DUSP7: variants seen among roughly 807,000 people sequenced by gnomAD.
The protein encoded by DUSP7 is dual specificity protein phosphatase 7.
A neutral mutation model predicts 29.8 loss-of-function variants in DUSP7; 7 were observed. That is an observed-to-expected ratio of 0.24 (90% CI 0.13 to 0.44). The LOEUF is 0.44. Ranked by LOEUF, DUSP7 falls within the 20% of genes least tolerant of loss-of-function variation. The pLI, the probability that DUSP7 is intolerant of heterozygous loss-of-function variation, is 1.00. For synonymous variants in DUSP7, 287 were observed against 275.4 expected (o/e 1.04, Z -0.42); for missense variants, 400 against 583.7 (o/e 0.69, Z 3.24).
At position 52,056,545 on chromosome 3, in the gene DUSP7, A is replaced by C. The variant is rs1471159725; in HGVS notation, c.-179T>G. 1 of 172,570 alleles carries C rather than the reference A, an allele frequency of 5.8e-6. No homozygotes were observed. Among genetic ancestry groups the C allele is most frequent in the Non-Finnish European group, 1.1e-5 (1 of 89,890 alleles). 10.7% of individuals were successfully genotyped at this position (172,570 alleles called of 1,614,324 possible). A position where few individuals can be genotyped will look rare whatever the true frequency, so the allele number is the denominator to read the frequency against. On this transcript the variant is annotated 5_prime_UTR_variant, in exon 1 of 3. Coordinates refer to ENST00000495880, the MANE Select transcript of DUSP7 (RefSeq NM_001947.4). The surrounding 1 kb of genome is among the most constrained non-coding windows in gnomAD (Gnocchi z 6.4). The stretch of plus-strand genomic sequence containing the variant: ...CCCGCCCGCCCGGCCCTCCGCGCGC[A>C]CCGCGGCCTGACAGCCCCAATTAAA...
In DUSP7 at chr3:52,053,992, G is replaced by C; in HGVS notation, c.900C>G (p.Asp300Glu). The stretch of plus-strand genomic sequence containing the variant: ...ACTGGGAGAGGTTCTGGCTCCAGTG[G>C]TCAGAGATGGGGATCTGCTTGTAGG... ...EFTYKQIPIS[D>E]HWSQNLSQFF... The change falls in exon 2 of 3, where the codon GAC becomes GAG. Residue 300 changes from aspartate (D) to glutamate (E), a missense_variant. Physicochemically the swap from Asp to Glu is conservative, Grantham distance 45. Coordinates refer to ENST00000495880, the MANE Select transcript of DUSP7 (RefSeq NM_001947.4). The surrounding 1 kb of genome is among the most constrained non-coding windows in gnomAD (Gnocchi z 4.6). The C allele has an allele frequency of 6.2e-7, 1 of 1,614,238 alleles. No individual in the cohort carries two copies. The highest frequency in any genetic ancestry group is 8.5e-7 in the Non-Finnish European group (1 of 1,180,030).
Position 52,050,893 on chromosome 3 carries a change from G to T in DUSP7, c.1182C>A (p.His394Gln). 1 of 1,614,268 alleles carries T rather than the reference G, an allele frequency of 6.2e-7. No homozygotes were observed. Among genetic ancestry groups the T allele is most frequent in the South Asian group, 1.1e-5 (1 of 91,092 alleles). ...AAAAGTAGAGCTGCTCACTCGACGCGTGGTTGTCGCACGGGCTGCTTAGCC... is the reference window on the plus strand; with the variant it reads ...AAAAGTAGAGCTGCTCACTCGACGCTTGGTTGTCGCACGGGCTGCTTAGCC... ...TLGLSSPCDNHASSEQLYFST... is the reference protein window; with the variant it reads ...TLGLSSPCDNQASSEQLYFST... Residue 394 changes from histidine to glutamine, a missense_variant, in exon 3 of 3, where the codon CAC (histidine) becomes CAA (glutamine). His to Gln is a conservative substitution (Grantham distance 24). Around this residue, in one of 4 missense-constraint regions of DUSP7, gnomAD observed 75 missense variants for 95.0 expected, o/e 0.79. Coordinates refer to ENST00000495880, the MANE Select transcript of DUSP7 (RefSeq NM_001947.4). This position sits in a 1 kb window ranked among gnomAD's most constrained non-coding sequence, Gnocchi z 5.0.
intron 1 of DUSP7, 145 bp downstream of exon 1, chr3:52,055,705 C>T (rs368641924): frequency 9.7e-7 from 1 of 1,035,512 alleles, no homozygotes. Flanking sequence ...GGGGACCCGG[C>T]TCCAGGAGGG....
chr3:52,055,416 C>T (rs1009481089), intron 1 of DUSP7, among the ~76,000 whole-genome samples: 3 of 152,162 alleles, frequency 2.0e-5, no homozygotes, highest in Non-Finnish European at 4.4e-5. Flanking sequence ...GGTCTCCATG[C>T]GCTGGAGGTG....
rs1701831519 is a variant in DUSP7 at position 52,050,187 on chromosome 3, A to G, written c.*628T>C. 1 of 152,240 alleles carries G rather than the reference A, an allele frequency of 6.6e-6. No individual in the cohort carries two copies. The allele number at this position is 152,240 out of a possible 1,614,324, so 9.4% of individuals were successfully genotyped here. A position where few individuals can be genotyped will look rare whatever the true frequency, so the allele number is the denominator to read the frequency against. ...GGAAACAGAGGCTTCACACATGTGC[A>G]AAACGCATTTGGTCAAGGTCAACAT... On this transcript the variant is annotated 3_prime_UTR_variant, in exon 3 of 3. Coordinates refer to ENST00000495880, the MANE Select transcript of DUSP7 (RefSeq NM_001947.4). This position sits in a 1 kb window ranked among gnomAD's most constrained non-coding sequence, Gnocchi z 5.0.
chr3:52,055,397 A>C (rs958236192), intron 1 of DUSP7, among the ~76,000 whole-genome samples: 3 of 152,114 alleles, frequency 2.0e-5, no homozygotes, highest in Non-Finnish European at 4.4e-5. Flanking sequence ...AGGAGACCCC[A>C]ACCCAAATGG....
At position 52,049,447 on chromosome 3, in the gene DUSP7, GC is replaced by G. The variant is rs1414583318; in HGVS notation, c.*1367del. 1 of 152,290 alleles carries G rather than the reference GC, an allele frequency of 6.6e-6. No individual in the cohort carries two copies. The highest frequency in any genetic ancestry group is 2.4e-5 in the African/African-American group (1 of 41,450). The allele number at this position is 152,290 out of a possible 1,614,324, so 9.4% of individuals were successfully genotyped here. On this transcript the variant is annotated 3_prime_UTR_variant, in exon 3 of 3. Transcript: ENST00000495880. The stretch of plus-strand genomic sequence containing the variant: ...GTGGAGGCAGGGGGAAGTGAACAGA[GC>G]CTTACCCCCCTTCTGCTGGTCCATC...
At chr3:52,055,591 GA>G (rs1016016233) in intron 1 of DUSP7, among the ~76,000 whole-genome samples, 9 of 151,824 alleles carry the variant, frequency 5.9e-5, no homozygotes, top group Non-Finnish European at 1.3e-4. Flanking sequence ...CCATCAACAG[GA>G]AAAAAAAGGA....
rs538852087 is a variant in DUSP7 at position 52,048,963 on chromosome 3, C to T, written c.*1852G>A. The T allele has an allele frequency of 2.0e-5, 3 of 152,142 alleles. No homozygotes were observed. The highest frequency in any genetic ancestry group is 2.9e-5 in the Non-Finnish European group (2 of 68,004). The allele number at this position is 152,142 out of a possible 1,614,324, so 9.4% of individuals were successfully genotyped here. A position where few individuals can be genotyped will look rare whatever the true frequency, so the allele number is the denominator to read the frequency against. ...TTTATTTGCAATATAAACAAAGTCCCGTTGTTGGTTCGGGATATATATATA... is the reference window on the plus strand; with the variant it reads ...TTTATTTGCAATATAAACAAAGTCCTGTTGTTGGTTCGGGATATATATATA... On this transcript the variant is annotated 3_prime_UTR_variant, in exon 3 of 3. Transcript: ENST00000495880.
chr3:52,053,575 G>A lies in DUSP7; in HGVS notation c.952+365C>T. Reference sequence around the variant, plus strand: ...CCCATCCTGGAGAGACACGTGTGCTGAGGCGTGATGCGGAGCAAGTGAGAC... The same window carrying A: ...CCCATCCTGGAGAGACACGTGTGCTAAGGCGTGATGCGGAGCAAGTGAGAC... On this transcript the variant is annotated intron_variant, in intron 2 of 2. Coordinates refer to ENST00000495880, the MANE Select transcript of DUSP7 (RefSeq NM_001947.4). This position sits in a 1 kb window ranked among gnomAD's most constrained non-coding sequence, Gnocchi z 4.6. 1 of 291,626 alleles carries A rather than the reference G, an allele frequency of 3.4e-6. No individual in the cohort carries two copies. The highest frequency in any genetic ancestry group is 6.6e-6 in the Non-Finnish European group (1 of 151,232). 18.1% of individuals were successfully genotyped at this position (291,626 alleles called of 1,614,324 possible).
In DUSP7 at chr3:52,053,980, C is replaced by T. The variant is rs984631319; in HGVS notation, c.912G>A (p.Gln304=). ...CCTCAGGGAAGAACTGGGAGAGGTT[C>T]TGGCTCCAGTGGTCAGAGATGGGGA... The part of the protein sequence containing the change: ...KQIPISDHWS[Q]NLSQFFPEAI... Residue 304 remains glutamine, a synonymous_variant, in exon 2 of 3, where the codon CAG becomes CAA. Transcript: ENST00000495880. This position sits in a 1 kb window ranked among gnomAD's most constrained non-coding sequence, Gnocchi z 4.6. The T allele has an allele frequency of 4.3e-6, 7 of 1,614,098 alleles. No individual in the cohort carries two copies. The highest frequency in any genetic ancestry group is 5.9e-6 in the Non-Finnish European group (7 of 1,180,038).
chr3:52,056,236 C>G lies in DUSP7; in HGVS notation c.131G>C (p.Gly44Ala), dbSNP rs1221773471. 5.0e-6 allele frequency: 7 copies of G among 1,402,950 alleles called. No individual in the cohort carries two copies. In the South Asian group the frequency reaches 1.1e-4, roughly 21 times the overall value. The allele number at this position is 1,402,950 out of a possible 1,614,324, so 86.9% of individuals were successfully genotyped here. Residue 44 changes from glycine to alanine, a missense_variant, in exon 1 of 3, where the codon GGC (glycine) becomes GCC (alanine). Gly to Ala is a moderately conservative substitution (Grantham distance 60, BLOSUM62 0). Around this residue, in one of 4 missense-constraint regions of DUSP7, gnomAD observed 96 missense variants for 97.1 expected, o/e 0.99. Coordinates refer to ENST00000495880, the MANE Select transcript of DUSP7 (RefSeq NM_001947.4). The surrounding 1 kb of genome is among the most constrained non-coding windows in gnomAD (Gnocchi z 6.4). ...GSGSGAGTGA[G>A]AATGAGAMPC... ...CATGGCCCCTGCCCCCGTCGCCGCGCCCGCCCCGGTGCCTGCGCCGGACCC... is the reference window on the plus strand; with the variant it reads ...CATGGCCCCTGCCCCCGTCGCCGCGGCCGCCCCGGTGCCTGCGCCGGACCC...
Position 52,054,825 on chromosome 3 carries a change from G to T in DUSP7, c.518-451C>A, listed in dbSNP as rs969333013. Among the ~76,000 whole-genome samples the T allele has an allele frequency of 6.6e-6, 1 of 152,264 alleles. No individual in the cohort carries two copies. Among genetic ancestry groups the T allele is most frequent in the African/African-American group, 2.4e-5 (1 of 41,468 alleles). The stretch of plus-strand genomic sequence containing the variant: ...AACTCCTCTTATAGATGAGACCACA[G>T]GTGCCAGAGCCACATCTGGCTCAGT... On this transcript the variant is annotated intron_variant, in intron 1 of 2. Transcript: ENST00000495880. This position sits in a 1 kb window ranked among gnomAD's most constrained non-coding sequence, Gnocchi z 4.1.
rs535620974 is a variant in DUSP7 at position 52,054,027 on chromosome 3, C to T, written c.865G>A (p.Gly289Ser). 2 of 1,614,170 alleles carry T rather than the reference C, an allele frequency of 1.2e-6. No individual in the cohort carries two copies. The highest frequency in any genetic ancestry group is 1.3e-5 in the African/African-American group (1 of 75,038). ...PNLPNAFEHG[G>S]EFTYKQIPIS... The stretch of plus-strand genomic sequence containing the variant: ...GGGATCTGCTTGTAGGTGAACTCGC[C>T]GCCGTGCTCGAAGGCGTTGGGTAGG... The change falls in exon 2 of 3, where the codon GGC (glycine) becomes AGC (serine). Residue 289 changes from glycine (G) to serine (S), a missense_variant. By Grantham distance (56) the Gly-to-Ser change is moderately conservative. Around this residue, in one of 4 missense-constraint regions of DUSP7, gnomAD observed 223 missense variants for 360.9 expected, o/e 0.62. Coordinates refer to ENST00000495880, the MANE Select transcript of DUSP7 (RefSeq NM_001947.4). The surrounding 1 kb of genome is among the most constrained non-coding windows in gnomAD (Gnocchi z 4.1).
rs756816043 is a variant in DUSP7, at chr3:52,056,196, G to A, written c.171C>T (p.Ala57=). 2.6e-5 allele frequency: 41 copies of A among 1,558,236 alleles called. No individual in the cohort carries two copies. The highest frequency in any genetic ancestry group is 3.4e-5 in the Non-Finnish European group (39 of 1,159,250). ...CCTCCAGCTCCTCCTGCAGCCACTC[G>A]GCGCTCTTGCAGGGCATGGCCCCTG... ...TGAGAMPCKS[A]EWLQEELEAR... Residue 57 remains alanine (A), a synonymous_variant, in exon 1 of 3, where the codon GCC becomes GCT. Coordinates refer to ENST00000495880, the MANE Select transcript of DUSP7 (RefSeq NM_001947.4). This position sits in a 1 kb window ranked among gnomAD's most constrained non-coding sequence, Gnocchi z 6.4.
Position 52,050,503 on chromosome 3 carries a change from TAA to T in DUSP7, c.*310_*311del. On this transcript the variant is annotated 3_prime_UTR_variant, in exon 3 of 3. Transcript: ENST00000495880. This position sits in a 1 kb window ranked among gnomAD's most constrained non-coding sequence, Gnocchi z 5.0. ...AAACTCAGGTCCGTGGATGTGTCTT[TAA>T]AAAACAGCCAAACTGGCTGGGCTGT... 1 of 279,476 alleles carries T rather than the reference TAA, an allele frequency of 3.6e-6. No homozygotes were observed. The highest frequency in any genetic ancestry group is 6.7e-6 in the Non-Finnish European group (1 of 149,444). The allele number at this position is 279,476 out of a possible 1,614,324, so 17.3% of individuals were successfully genotyped here. A position where few individuals can be genotyped will look rare whatever the true frequency, so the allele number is the denominator to read the frequency against.
At chr3:52,055,540 C>T (rs1202242571) in intron 1 of DUSP7, among the ~76,000 whole-genome samples, 1 of 152,172 alleles carries the variant, frequency 6.6e-6, no homozygotes, top group South Asian at 2.1e-4. Flanking sequence ...GCGCCTTCCA[C>T]CTCTGAGGGG....
rs1442927410 is a variant in DUSP7 at position 52,053,348 on chromosome 3, C to G, written c.952+592G>C. 6.2e-6 allele frequency: 1 copy of G among 162,030 alleles called. No homozygotes were observed. Among genetic ancestry groups the G allele is most frequent in the Admixed American group, 5.6e-5 (1 of 17,830 alleles). The allele number at this position is 162,030 out of a possible 1,614,324, so 10.0% of individuals were successfully genotyped here. A position where few individuals can be genotyped will look rare whatever the true frequency, so the allele number is the denominator to read the frequency against. On this transcript the variant is annotated intron_variant, in intron 2 of 2. Coordinates refer to ENST00000495880, the MANE Select transcript of DUSP7 (RefSeq NM_001947.4). The surrounding 1 kb of genome is among the most constrained non-coding windows in gnomAD (Gnocchi z 4.6). ...CAGGACACACTGCTCTGGGGAAGGC[C>G]TTTCTCCACTCCCCCACCTTCTCTT...
Position 52,050,938 on chromosome 3 carries a change from C to T in DUSP7, c.1137G>A (p.Leu379=). ...TTAGCCCCAGCGTCCGCTCAAAGTC[C>T]AGCAGCTGCCCCATGAAGTTGAAGT... ...SPNFNFMGQL[L]DFERTLGLSS... The change falls in exon 3 of 3, where the codon CTG becomes CTA. Residue 379 remains leucine (L), a synonymous_variant. Coordinates refer to ENST00000495880, the MANE Select transcript of DUSP7 (RefSeq NM_001947.4). The surrounding 1 kb of genome is among the most constrained non-coding windows in gnomAD (Gnocchi z 5.0). 6.2e-7 allele frequency: 1 copy of T among 1,614,270 alleles called. No homozygotes were observed. Among genetic ancestry groups the T allele is most frequent in the Non-Finnish European group, 8.5e-7 (1 of 1,180,046 alleles).
Sources: allele counts gnomAD v4.1 joint callset (sites outside exome capture counted in the v4.1 genomes callset), GRCh38; gene constraint gnomAD v4.1.1; regional missense constraint gnomAD v4.1.1; non-coding constraint Gnocchi (gnomAD v3.1); transcripts MANE v1.5; gene names NCBI Gene and HGNC (gene_info 2026-07-23, HGNC 2026-07-21).